ATP2C1: variants seen among roughly 807,000 people sequenced by gnomAD.
The protein encoded by ATP2C1 is ATPase secretory pathway Ca2+ transporting 1, also known as calcium-transporting ATPase type 2C member 1.
A neutral mutation model predicts 120.5 loss-of-function variants in ATP2C1; 31 were observed. The observed-to-expected ratio is 0.26, with a 90% CI of 0.19 to 0.35. ATP2C1 has a LOEUF of 0.35. Ranked by LOEUF, ATP2C1 falls within the 10% of genes least tolerant of loss-of-function variation. The pLI is 1.00. For missense variants in ATP2C1, 731 were observed against 1,107.5 expected, an observed-to-expected ratio of 0.66 and a Z score of 4.83; for synonymous variants, 351 against 358.7, an observed-to-expected ratio of 0.98 and a Z score of 0.24.
At chr3:130,883,440 T>C (rs528088270) in intron 1 of ATP2C1, among the ~76,000 whole-genome samples, 22 of 151,020 alleles carry the variant, frequency 1.5e-4, no homozygotes, top group Non-Finnish European at 2.5e-4. Context: ...CATTAGGATA[T>C]TTATTTGAAG....
intron 20 of ATP2C1, among the ~76,000 whole-genome samples, chr3:130,990,041 G>C (rs2062246349): frequency 6.6e-6 from 1 of 152,088 alleles, no homozygotes; most frequent in African/African-American, 2.4e-5. Context: ...TCAGTAGTGT[G>C]ATATTACAGT....
chr3:130,925,428 G>A (rs78233026), intron 2 of ATP2C1, among the ~76,000 whole-genome samples: 4,664 of 152,250 alleles, frequency 0.031, 227 homozygotes, highest in African/African-American at 0.1. Context: ...GATGTGATCC[G>A]TTTTCAGGTC....
intron 2 of ATP2C1, among the ~76,000 whole-genome samples, chr3:130,911,588 G>A (rs1214561096): frequency 6.6e-6 from 1 of 151,984 alleles, no homozygotes; most frequent in Non-Finnish European, 1.5e-5. Context: ...TGGGCATTTA[G>A]TGCTATAAAT....
At chr3:131,015,497 A>G (rs6772562) in intron 26 of ATP2C1, among the ~76,000 whole-genome samples, 28,036 of 152,144 alleles carry the variant, frequency 0.18, 2,699 homozygotes, top group Middle Eastern at 0.22. Context: ...GACAAACATT[A>G]TAATTACTCT....
At chr3:130,971,316 G>C (rs979805086) in intron 17 of ATP2C1, among the ~76,000 whole-genome samples, 2 of 152,124 alleles carry the variant, frequency 1.3e-5, no homozygotes, top group African/African-American at 2.4e-5. Flanking sequence ...AAAGTGGCAG[G>C]ATATGTTTGG....
At chr3:130,997,576 A>G (rs779656293) in intron 24 of ATP2C1, 30 bp from the exon 25 acceptor site, 2 of 1,607,526 alleles carry the variant, frequency 1.2e-6, no homozygotes, top group East Asian at 4.5e-5. Flanking sequence ...TAAAACTTGA[A>G]AGTAATTTAT....
chr3:130,862,146 T>G (rs2068035046), intron 1 of ATP2C1, among the ~76,000 whole-genome samples: 1 of 150,620 alleles, frequency 6.6e-6, no homozygotes, highest in Non-Finnish European at 1.5e-5. Flanking sequence ...GCTAATTTTT[T>G]TTTTTTTTTT....
rs747486056 is a variant in ATP2C1 at position 131,008,423 on chromosome 3, C to CAA, written c.2630-7713_2630-7712dup. 9.4e-3 allele frequency among the ~76,000 whole-genome samples: 816 copies of CAA among 86,936 alleles called. 9 individuals are homozygous for CAA. Among genetic ancestry groups the CAA allele is most frequent in the African/African-American group, 0.032 (734 of 23,172 alleles). The allele number at this position is 86,936 out of a possible 152,430, so 57.0% of individuals were successfully genotyped here. ...CCTGGGCAACAGAACAAGACTGTCT[C>CAA]AAAAAAAAAAAAAAAAAGGAAAGAA... On this transcript the variant is annotated intron_variant, in intron 26 of 26. Transcript: ENST00000328560.
At chr3:130,913,513 C>T (rs909079913) in intron 2 of ATP2C1, among the ~76,000 whole-genome samples, 3 of 152,176 alleles carry the variant, frequency 2.0e-5, no homozygotes, top group African/African-American at 7.2e-5. Context: ...GTCTTGTTGG[C>T]ATCAGAAGAC....
intron 1 of ATP2C1, among the ~76,000 whole-genome samples, chr3:130,867,747 A>C (rs1175465203): frequency 1.6e-5 from 1 of 63,970 alleles, no homozygotes; most frequent in African/African-American, 5.5e-5. Flanking sequence ...CTGCTTGGCC[A>C]CCCATCGTCT....
At chr3:130,978,661 G>T (rs1224944720) in intron 18 of ATP2C1, among the ~76,000 whole-genome samples, 4 of 152,188 alleles carry the variant, frequency 2.6e-5, no homozygotes, top group Non-Finnish European at 5.9e-5. Context: ...AGGAGTAAAA[G>T]AATCCAAACT....
At chr3:130,957,387 G>C (rs1290281974) in intron 11 of ATP2C1, among the ~76,000 whole-genome samples, 1 of 152,062 alleles carries the variant, frequency 6.6e-6, no homozygotes, top group Non-Finnish European at 1.5e-5. Context: ...TTTTACTCAA[G>C]TTAATTATCC....
At chr3:130,978,326 A>G (rs988250846) in intron 18 of ATP2C1, among the ~76,000 whole-genome samples, 1 of 152,000 alleles carries the variant, frequency 6.6e-6, no homozygotes, top group Non-Finnish European at 1.5e-5. Context: ...TTGACGAAGA[A>G]TGGATAGTTT....
intron 2 of ATP2C1, among the ~76,000 whole-genome samples, chr3:130,902,036 A>G (rs917676068): frequency 3.3e-5 from 5 of 152,034 alleles, no homozygotes; most frequent in Admixed American, 6.6e-5. Context: ...CCAGATGTCA[A>G]TGGTGCCAAG....
At chr3:130,922,296 A>G (rs2059006722) in intron 2 of ATP2C1, among the ~76,000 whole-genome samples, 1 of 152,046 alleles carries the variant, frequency 6.6e-6, no homozygotes, top group Non-Finnish European at 1.5e-5. Context: ...CTGTGTTATC[A>G]GTTGTAATAT....
intron 2 of ATP2C1, among the ~76,000 whole-genome samples, chr3:130,905,980 A>C (rs1207206339): frequency 6.6e-6 from 1 of 152,080 alleles, no homozygotes; most frequent in East Asian, 1.9e-4. Context: ...CTGTATGCAC[A>C]GTTTTAGACC....
intron 1 of ATP2C1, chr3:130,869,416 G>T (rs991061535): frequency 2.8e-5 from 2 of 71,580 alleles, no homozygotes; most frequent in African/African-American, 1.5e-4. Context: ...ACCCAAGAAT[G>T]ATCAATAAAA....
intron 1 of ATP2C1, among the ~76,000 whole-genome samples, chr3:130,883,458 TCTC>T (rs1386987633): frequency 7.7e-6 from 1 of 129,226 alleles, no homozygotes; most frequent in Non-Finnish European, 1.6e-5. Context: ...AAGTCTTTCT[TCTC>T]CTTCTTTTTT....
In ATP2C1 at chr3:130,936,620, G is replaced by A. The variant is rs528260847; in HGVS notation, c.325-808G>A. The stretch of plus-strand genomic sequence containing the variant: ...GAGGTCAGGAGATTGAGACCATCCT[G>A]GCTAACATGGTGAAACCCCGTCTCT... On this transcript the variant is annotated intron_variant, in intron 5 of 27. Coordinates refer to ENST00000510168, the MANE Select transcript of ATP2C1 (RefSeq NM_001378687.1). Among the ~76,000 whole-genome samples, 985 of 151,940 alleles carry A rather than the reference G, an allele frequency of 6.5e-3. 5 individuals carry two copies. Among genetic ancestry groups the A allele is most frequent in the Middle Eastern group, 0.038 (11 of 292 alleles).
Sources: allele counts gnomAD v4.1 joint callset (sites outside exome capture counted in the v4.1 genomes callset), GRCh38; gene constraint gnomAD v4.1.1; transcripts MANE v1.5; gene names NCBI Gene and HGNC (gene_info 2026-07-23, HGNC 2026-07-21).